The following BLTP3A variants were observed in gnomAD, a reference collection of about 807,000 sequenced individuals.
The protein encoded by BLTP3A is bridge-like lipid transfer protein family member 3A.
At chr6:34,794,190 T>C in the BLTP3A span, among the ~76,000 whole-genome samples, 1 of 149,092 alleles carries the variant, frequency 6.7e-6, no homozygotes, top group Non-Finnish European at 1.5e-5. Flanking sequence ...AGATAAAGTA[T>C]GTAATTGAAT....
chr6:34,798,594 C>CTTTTTTTTTTTTTTTTTTTTTTTTT, the BLTP3A span, among the ~76,000 whole-genome samples: 20 of 94,494 alleles, frequency 2.1e-4, no homozygotes, highest in African/African-American at 3.9e-4. Flanking sequence ...TTCTTTCTTT[C>CTTTTTTTTTTTTTTTTTTTTTTTTT]TTTTTTTTTT....
the BLTP3A span, among the ~76,000 whole-genome samples, chr6:34,798,361 T>C: frequency 6.6e-6 from 1 of 152,328 alleles, no homozygotes; most frequent in African/African-American, 2.4e-5. Context: ...TTCTAGTACA[T>C]GTCCTTTAAA....
chr6:34,865,978 A>G, the BLTP3A span, among the ~76,000 whole-genome samples: 3 of 152,236 alleles, frequency 2.0e-5, no homozygotes, highest in African/African-American at 7.2e-5. Context: ...TGGGAGGCCA[A>G]GGTGGGCGGA....
chr6:34,854,237 T>C, the BLTP3A span, among the ~76,000 whole-genome samples: 1 of 152,000 alleles, frequency 6.6e-6, no homozygotes, highest in South Asian at 2.1e-4. Flanking sequence ...AAGAAAAAAA[T>C]TAAAAATTTT....
At chr6:34,875,514 C>T in the BLTP3A span, 1 of 152,142 alleles carries the variant, frequency 6.6e-6, no homozygotes, top group Non-Finnish European at 1.5e-5. Context: ...GTATAATTTA[C>T]CTACACTTGT....
At chr6:34,854,612 T>A in the BLTP3A span, among the ~76,000 whole-genome samples, 1 of 152,190 alleles carries the variant, frequency 6.6e-6, no homozygotes, top group African/African-American at 2.4e-5. Flanking sequence ...AAAAAGTATC[T>A]TAAAAGCCTA....
chr6:34,794,746 A>G, the BLTP3A span, among the ~76,000 whole-genome samples: 3 of 152,010 alleles, frequency 2.0e-5, no homozygotes, highest in Non-Finnish European at 4.4e-5. Flanking sequence ...TTTCTCTGTA[A>G]TACACAGATA....
chr6:34,853,109 A>T, the BLTP3A span, among the ~76,000 whole-genome samples: 1 of 152,200 alleles, frequency 6.6e-6, no homozygotes, highest in Admixed American at 6.5e-5. Flanking sequence ...ACTTAATATG[A>T]TGTTAAAACT....
chr6:34,867,202 C>G, the BLTP3A span: 3 of 1,588,048 alleles, frequency 1.9e-6, no homozygotes, highest in Non-Finnish European at 2.6e-6. Flanking sequence ...CTTTTAAATT[C>G]ATTTGTCCTC....
the BLTP3A span, chr6:34,821,971 GA>G: frequency 3.7e-6 from 6 of 1,614,194 alleles, no homozygotes; most frequent in Non-Finnish European, 5.1e-6. Context: ...GACCTTTCTT[GA>G]TTGCAAGTTA....
the BLTP3A span, among the ~76,000 whole-genome samples, chr6:34,804,438 A>G: frequency 6.6e-6 from 1 of 152,192 alleles, no homozygotes; most frequent in Admixed American, 6.5e-5. Flanking sequence ...TGTAAGCAGA[A>G]AGCCCAGTAA....
chr6:34,871,081 C>T, the BLTP3A span: 6 of 1,613,950 alleles, frequency 3.7e-6, no homozygotes, highest in Non-Finnish European at 5.1e-6. Context: ...AGTCCCCATG[C>T]AGATTGAGCT....
the BLTP3A span, chr6:34,867,211 T>C: frequency 1.1e-5 from 17 of 1,596,072 alleles, no homozygotes; most frequent in Non-Finnish European, 1.5e-5. Context: ...TCATTTGTCC[T>C]CTTTTTCATG....
the BLTP3A span, among the ~76,000 whole-genome samples, chr6:34,868,382 G>A: frequency 1.3e-5 from 2 of 152,004 alleles, no homozygotes; most frequent in African/African-American, 2.4e-5. Flanking sequence ...ACGCTGGGAA[G>A]CTGAGGTGGG....
At chr6:34,867,195 T>C in the BLTP3A span, 40 of 1,578,594 alleles carry the variant, frequency 2.5e-5, no homozygotes, top group Non-Finnish European at 3.4e-5. Flanking sequence ...ATTTTGACTT[T>C]TAAATTCATT....
the BLTP3A span, among the ~76,000 whole-genome samples, chr6:34,801,410 AGG>A: frequency 6.6e-6 from 1 of 151,696 alleles, no homozygotes; most frequent in Non-Finnish European, 1.5e-5. Flanking sequence ...AGCTGGGGAG[AGG>A]GGGGAAAAGT....
chr6:34,858,809 T>A, the BLTP3A span: 1 of 1,614,118 alleles, frequency 6.2e-7, no homozygotes, highest in South Asian at 1.1e-5. Flanking sequence ...GATGTTCATA[T>A]GCTTGTACAT....
the BLTP3A span, chr6:34,858,764 A>G: frequency 1.2e-6 from 2 of 1,614,220 alleles, no homozygotes; most frequent in Admixed American, 1.7e-5. Flanking sequence ...GGTATGGACA[A>G]CAAAGGGCCT....
At chr6:34,867,818 A>T in the BLTP3A span, among the ~76,000 whole-genome samples, 1 of 152,068 alleles carries the variant, frequency 6.6e-6, no homozygotes, top group African/African-American at 2.4e-5. Context: ...CTTTGCATTC[A>T]CTGTGCTAGT....
Sources: allele counts gnomAD v4.1 joint callset (sites outside exome capture counted in the v4.1 genomes callset), GRCh38; gene constraint gnomAD v4.1.1; transcripts MANE v1.5; gene names NCBI Gene and HGNC (gene_info 2026-07-23, HGNC 2026-07-21).